CC2D2A: variants seen among roughly 807,000 people sequenced by gnomAD.
CC2D2A encodes the protein coiled-coil and C2 domain containing 2A.
A neutral mutation model predicts 212.9 loss-of-function variants in CC2D2A; 155 were observed. The ratio of observed to expected loss-of-function variants is 0.73; its 90% CI spans 0.64 to 0.83. The LOEUF is 0.83. CC2D2A is among the 40% of genes least tolerant of loss of function. CC2D2A has a pLI of 0.00. For missense variants in CC2D2A, 1,856 were observed against 1,956.2 expected, an observed-to-expected ratio of 0.95 and a Z score of 0.97; for synonymous variants, 667 against 686.5, an observed-to-expected ratio of 0.97 and a Z score of 0.44.
intron 4 of CC2D2A, among the ~76,000 whole-genome samples, chr4:15,498,306 G>C (rs1465102438): frequency 6.6e-6 from 1 of 152,128 alleles, no homozygotes; most frequent in Non-Finnish European, 1.5e-5. Context: ...ATTTTTAATG[G>C]AATGTCCTAA....
chr4:15,494,052 A>G (rs1339278259), intron 4 of CC2D2A, among the ~76,000 whole-genome samples: 1 of 152,012 alleles, frequency 6.6e-6, no homozygotes. Flanking sequence ...ATTTTTTTCC[A>G]CTCTGTAGAA....
In CC2D2A at chr4:15,514,743, G is replaced by T. The variant is rs1716764107; in HGVS notation, c.754G>T (p.Asp252Tyr). ...ACTGCTTAATGGTGATGATGCCGAG[G>T]ACTTCCTATTGGGCTTAGATCACGT... ...EELLNGDDAE[D>Y]FLLGLDHVAD... The change falls in exon 9 of 37, where the codon GAC (aspartate) becomes TAC (tyrosine). Residue 252 changes from aspartate to tyrosine, a missense_variant. Physicochemically the swap from Asp to Tyr is radical, Grantham distance 160. Transcript: ENST00000424120. The T allele has an allele frequency of 6.2e-7, 1 of 1,604,010 alleles. No individual in the cohort carries two copies. Among genetic ancestry groups the T allele is most frequent in the Non-Finnish European group, 8.5e-7 (1 of 1,172,676 alleles).
At chr4:15,541,071 G>T (rs971294481) in intron 17 of CC2D2A, 57 bp downstream of exon 17, 39 of 1,397,990 alleles carry the variant, frequency 2.8e-5, no homozygotes, top group Non-Finnish European at 5.7e-6. Flanking sequence ...CTGTACTTTG[G>T]GAGGCCAAGG....
intron 4 of CC2D2A, among the ~76,000 whole-genome samples, chr4:15,501,049 A>C (rs776695298): frequency 6.6e-6 from 1 of 151,956 alleles, no homozygotes; most frequent in Non-Finnish European, 1.5e-5. Flanking sequence ...AGCATCATCA[A>C]ACTCCTCGTG....
rs568102516 is a variant in CC2D2A at position 15,503,184 on chromosome 4, T to A, written c.438+261T>A. Among the ~76,000 whole-genome samples, 994 of 151,922 alleles carry A rather than the reference T, an allele frequency of 6.5e-3. 9 individuals carry two copies. Among genetic ancestry groups the A allele is most frequent in the African/African-American group, 0.023 (948 of 41,408 alleles). ...TGGGCATGCTGGCTTGTGCCTGTAG[T>A]CCCAGCTACTCGGGAGGCTGAGGTG... is the stretch of plus-strand genomic sequence containing the variant. On this transcript the variant is annotated intron_variant, in intron 6 of 36. Transcript: ENST00000424120.
intron 12 of CC2D2A, among the ~76,000 whole-genome samples, chr4:15,528,383 A>G (rs1052294972): frequency 1.3e-5 from 2 of 152,248 alleles, no homozygotes; most frequent in African/African-American, 4.8e-5. Context: ...TTTCTGGGCC[A>G]TGGAACAAGG....
intron 6 of CC2D2A, among the ~76,000 whole-genome samples, chr4:15,509,638 G>A (rs770871212): frequency 3.9e-4 from 60 of 152,256 alleles, no homozygotes; most frequent in Non-Finnish European, 7.5e-4. Flanking sequence ...TGAGAGAGAC[G>A]AGTTGAGTAA....
chr4:15,513,730 G>A (rs78955200), intron 8 of CC2D2A, among the ~76,000 whole-genome samples: 2,144 of 152,340 alleles, frequency 0.014, 50 homozygotes, highest in African/African-American at 0.049. Context: ...AAGCAGAGGT[G>A]GGGCAGGAGA....
chr4:15,506,134 T>G (rs1716242985), intron 6 of CC2D2A, among the ~76,000 whole-genome samples: 1 of 152,208 alleles, frequency 6.6e-6, no homozygotes, highest in Admixed American at 6.5e-5. Flanking sequence ...GGATTGAAAT[T>G]GAATGTAATT....
chr4:15,479,123 C>A, intron 3 of CC2D2A: 1 of 846,912 alleles, frequency 1.2e-6, no homozygotes, highest in Non-Finnish European at 1.9e-6. Flanking sequence ...TCATTGAAGG[C>A]CATGGACTAT....
At chr4:15,585,279 G>A (rs2109087794) in intron 30 of CC2D2A, among the ~76,000 whole-genome samples, 1 of 152,284 alleles carries the variant, frequency 6.6e-6, no homozygotes, top group South Asian at 2.1e-4. Context: ...TAAAGAAAAT[G>A]TGGTAAATAT....
chr4:15,594,814 G>T (rs969867388), intron 33 of CC2D2A, among the ~76,000 whole-genome samples: 1 of 152,054 alleles, frequency 6.6e-6, no homozygotes, highest in Non-Finnish European at 1.5e-5. Flanking sequence ...TGTTGTTGTT[G>T]TTGCTTTAAA....
Position 15,601,376 on chromosome 4 carries a change from A to C in CC2D2A, c.4814A>C (p.Asn1605Thr), listed in dbSNP as rs1370684648. 1 of 1,580,400 alleles carries C rather than the reference A, an allele frequency of 6.3e-7. No homozygotes were observed. Among genetic ancestry groups the C allele is most frequent in the Non-Finnish European group, 8.6e-7 (1 of 1,160,226 alleles). ...GTATACATACACCCATACCCCAAAA[A>C]TGTTTTGTCTGTTTGGATCTATGTT... ...LAVYIHPYPK[N>T]VLSVWIYVAS... The change falls in exon 37 of 37, where the codon AAT (asparagine) becomes ACT (threonine). Residue 1605 changes from asparagine (N) to threonine (T), a missense_variant. Asn to Thr is a moderately conservative substitution (Grantham distance 65, BLOSUM62 0). Coordinates refer to ENST00000424120, the MANE Select transcript of CC2D2A (RefSeq NM_001378615.1).
At chr4:15,554,655 G>A (rs1012265433) in intron 19 of CC2D2A, among the ~76,000 whole-genome samples, 8 of 152,204 alleles carry the variant, frequency 5.3e-5, no homozygotes, top group East Asian at 1.9e-4. Flanking sequence ...TAGCCTGGCC[G>A]ACAGAGCAAG....
intron 22 of CC2D2A, among the ~76,000 whole-genome samples, chr4:15,559,664 G>GTACTTTT (rs1719467034): frequency 1.7e-5 from 2 of 118,420 alleles, no homozygotes; most frequent in Admixed American, 7.6e-5. Flanking sequence ...CCTTTCGTTT[G>GTACTTTT]TCCTTTTTCC....
intron 29 of CC2D2A, among the ~76,000 whole-genome samples, chr4:15,579,069 AT>A (rs1322264016): frequency 3.3e-5 from 5 of 152,082 alleles, no homozygotes; most frequent in African/African-American, 9.7e-5. Flanking sequence ...TTTTCATGTT[AT>A]TTTTGTTAGT....
chr4:15,597,568 C>T (rs1721374250), intron 35 of CC2D2A, 103 bp downstream of exon 35: 1 of 887,840 alleles, frequency 1.1e-6, no homozygotes, highest in Non-Finnish European at 1.8e-6. Context: ...ATTTAGGCAA[C>T]TTAACTTTAA....
At chr4:15,597,035 T>G (rs184325880) in intron 34 of CC2D2A, among the ~76,000 whole-genome samples, 6 of 152,312 alleles carry the variant, frequency 3.9e-5, no homozygotes, top group Admixed American at 3.3e-4. Flanking sequence ...TAGGGGTACA[T>G]GTATCTGTAA....
rs963186593 is a variant in CC2D2A at position 15,481,223 on chromosome 4, G to A, written c.247+396G>A. ...AGAGCTGGTTGTTAAAAAGAGCCTG[G>A]GCAGGCCAGGCACGGTGACTCACGT... On this transcript the variant is annotated intron_variant, in intron 4 of 36. Transcript: ENST00000424120. 3.1e-5 allele frequency: 14 copies of A among 455,400 alleles called. No homozygotes were observed. In the East Asian group the frequency reaches 6.9e-4, roughly 23 times the overall value. 28.2% of individuals were successfully genotyped at this position (455,400 alleles called of 1,614,324 possible).
Sources: allele counts gnomAD v4.1 joint callset (sites outside exome capture counted in the v4.1 genomes callset), GRCh38; gene constraint gnomAD v4.1.1; transcripts MANE v1.5; gene names NCBI Gene and HGNC (gene_info 2026-07-23, HGNC 2026-07-21).